Variants in PPAN observed in about 807,000 individuals in gnomAD.
PPAN encodes the protein peter pan homolog, also known as suppressor of SWI4 1 homolog.
A neutral mutation model predicts 48.5 loss-of-function variants in PPAN; 39 were observed. The ratio of observed to expected loss-of-function variants is 0.80; its 90% CI spans 0.62 to 1.05. The LOEUF (loss-of-function observed/expected upper bound fraction) is 1.05. Among genes scored for constraint, PPAN ranks in the 50% least tolerant of loss-of-function variants. The probability of loss-of-function intolerance (pLI) is 0.00; values close to 1 mark genes in which losing one functional copy is unlikely to be tolerated. For synonymous variants in PPAN, 315 were observed against 268.6 expected (o/e 1.17, Z -1.69); for missense variants, 736 against 661.7 (o/e 1.11, Z -1.23).
chr19:10,111,601 C>T lies in PPAN; in HGVS notation c.*436C>T. 2.3e-6 allele frequency: 3 copies of T among 1,280,856 alleles called. No individual in the cohort carries two copies. Among genetic ancestry groups the T allele is most frequent in the Non-Finnish European group, 3.4e-6 (3 of 887,624 alleles). The allele number at this position is 1,280,856 out of a possible 1,614,324, so 79.3% of individuals were successfully genotyped here. ...GTGGGTGGAAAGGCACGCTGGCCTG[C>T]TCTGCTGGCTGGGCCAGTAACTGGG... is the stretch of plus-strand genomic sequence containing the variant. On this transcript the variant is annotated 3_prime_UTR_variant, in exon 12 of 12. Coordinates refer to ENST00000253107, the MANE Select transcript of PPAN (RefSeq NM_020230.7).
chr19:10,109,151 A>G (rs961625160), intron 5 of PPAN, among the ~76,000 whole-genome samples: 1 of 151,834 alleles, frequency 6.6e-6, no homozygotes, highest in African/African-American at 2.4e-5. Flanking sequence ...TTTAGTAGAG[A>G]CAGGATTTCA....
intron 1 of PPAN, 44 bp from the exon 2 acceptor site, chr19:10,106,457 C>T (rs1054861239): frequency 4.7e-5 from 72 of 1,547,240 alleles, no homozygotes; most frequent in Non-Finnish European, 6.0e-5. Context: ...GGTGGGGTCC[C>T]GGCCGAGGTC....
At position 10,106,722 on chromosome 19, in the gene PPAN, G is replaced by C. The variant is rs2088840839; in HGVS notation, c.189+51G>C. 2.7e-6 allele frequency: 4 copies of C among 1,486,514 alleles called. No homozygotes were observed. The African/African-American group carries it at 4.2e-5, about 15-fold the overall frequency. The allele number at this position is 1,486,514 out of a possible 1,614,324, so 92.1% of individuals were successfully genotyped here. ...TCCACCCACCCTCGGCCTAGTCTTC[G>C]TAGCTGCAGTAATGGCTCCCGCTGT... On this transcript the variant is annotated intron_variant, in intron 2 of 11. Transcript: ENST00000253107.
Position 10,106,599 on chromosome 19 carries a change from G to C in PPAN, c.117G>C (p.Thr39=). 6.4e-7 allele frequency: 1 copy of C among 1,550,482 alleles called. No individual in the cohort carries two copies. The highest frequency in any genetic ancestry group is 2.4e-5 in the East Asian group (1 of 41,554). ...PHSFVFTRGC[T]GRNIRQLSLD... ...CGTTCGTGTTCACGCGAGGCTGCACGGGTCGCAACATCCGGCAGCTCAGCC... is the reference window on the plus strand; with the variant it reads ...CGTTCGTGTTCACGCGAGGCTGCACCGGTCGCAACATCCGGCAGCTCAGCC... Residue 39 remains threonine (T), a synonymous_variant, in exon 2 of 12, where the codon ACG becomes ACC. Transcript: ENST00000253107.
rs1458591838 is a variant in PPAN, at chr19:10,111,736, C to G, written c.*571C>G. 6.2e-7 allele frequency: 1 copy of G among 1,613,498 alleles called. No individual in the cohort carries two copies. The highest frequency in any genetic ancestry group is 1.7e-5 in the Admixed American group (1 of 59,988). ...GGCACGGGAGCATGGCAGCCAACGT[C>G]TCGGGTAAGGAGAAGGCATGTTGGC... is the stretch of plus-strand genomic sequence containing the variant. On this transcript the variant is annotated 3_prime_UTR_variant, in exon 12 of 12. Coordinates refer to ENST00000253107, the MANE Select transcript of PPAN (RefSeq NM_020230.7).
rs571735453 is a variant in PPAN at position 10,108,279 on chromosome 19, T to C, written c.513+145T>C. The C allele has an allele frequency of 3.2e-6, 4 of 1,268,724 alleles. No homozygotes were observed. The South Asian group carries it at 6.4e-5, about 20-fold the overall frequency. The allele number at this position is 1,268,724 out of a possible 1,614,324, so 78.6% of individuals were successfully genotyped here. ...GAGTCCTGAGGTCAAATCCCACTCC[T>C]GTGTCTGATGATGCTGGGCAAAAGT... is the stretch of plus-strand genomic sequence containing the variant. On this transcript the variant is annotated intron_variant, in intron 5 of 11. Coordinates refer to ENST00000253107, the MANE Select transcript of PPAN (RefSeq NM_020230.7).
At chr19:10,109,594 G>C (rs777567585) in intron 5 of PPAN, 37 bp from the exon 6 acceptor site, 7 of 1,582,130 alleles carry the variant, frequency 4.4e-6, no homozygotes, top group Non-Finnish European at 6.0e-6. Flanking sequence ...ACTTTGCCAT[G>C]AGTCTACTGG....
In PPAN at chr19:10,106,649, C is replaced by G. The variant is rs868526544; in HGVS notation, c.167C>G (p.Pro56Arg). The G allele has an allele frequency of 6.5e-7, 1 of 1,541,004 alleles. No homozygotes were observed. Among genetic ancestry groups the G allele is most frequent in the Non-Finnish European group, 8.8e-7 (1 of 1,142,216 alleles). The stretch of plus-strand genomic sequence containing the variant: ...CTGGACGTGCGGCGGGTCATGGAGC[C>G]GCTCACTGCCAGCCGTCTGCAGGTT... ...LSLDVRRVME[P>R]LTASRLQVRK... Residue 56 changes from proline to arginine, a missense_variant, in exon 2 of 12, where the codon CCG (proline) becomes CGG (arginine). Pro to Arg is a moderately radical substitution (Grantham distance 103). Transcript: ENST00000253107.
rs2088899545 is a variant in PPAN at position 10,108,107 on chromosome 19, C to T, written c.486C>T (p.Asn162=). Residue 162 remains asparagine, a synonymous_variant, in exon 5 of 12, where the codon AAC becomes AAT. Transcript: ENST00000253107. ...AGCTCATGGCCACCATGTTCCAGAACCTGTTCCCCTCCATCAACGTGCACA... is the reference window on the plus strand; with the variant it reads ...AGCTCATGGCCACCATGTTCCAGAATCTGTTCCCCTCCATCAACGTGCACA... ...HVKLMATMFQ[N]LFPSINVHKV... 1 of 1,612,964 alleles carries T rather than the reference C, an allele frequency of 6.2e-7. No homozygotes were observed. Among genetic ancestry groups the T allele is most frequent in the East Asian group, 2.2e-5 (1 of 44,888 alleles).
intron 2 of PPAN, chr19:10,107,139 A>G (rs1376957027): frequency 5.0e-6 from 2 of 401,828 alleles, no homozygotes; most frequent in Non-Finnish European, 9.6e-6. Context: ...GTGAATCGGG[A>G]TCGTGCCACT....
intron 6 of PPAN, 22 bp from the exon 7 acceptor site, chr19:10,109,891 C>A (rs756017799): frequency 6.2e-7 from 1 of 1,612,546 alleles, no homozygotes; most frequent in Non-Finnish European, 8.5e-7. Flanking sequence ...CACCCCCTTG[C>A]CGTCCACTCA....
chr19:10,108,881 C>T (rs1483936902), intron 5 of PPAN, among the ~76,000 whole-genome samples: 4 of 151,808 alleles, frequency 2.6e-5, no homozygotes, highest in African/African-American at 9.7e-5. Flanking sequence ...TAGTGACTCT[C>T]AGATGGGACT....
At position 10,109,989 on chromosome 19, in the gene PPAN, C is replaced by G; in HGVS notation, c.667C>G (p.Arg223Gly). ...LLQEKFPNMS[R>G]LQDISELLAT... ...CCAGGAGAAGTTCCCCAACATGAGC[C>G]GCCTGCAGGACATCAGCGAGCTGCT... The change falls in exon 7 of 12, where the codon CGC (arginine) becomes GGC (glycine). Residue 223 changes from arginine (R) to glycine (G), a missense_variant. Physicochemically the swap from Arg to Gly is moderately radical, Grantham distance 125. Transcript: ENST00000253107. 1 of 1,614,000 alleles carries G rather than the reference C, an allele frequency of 6.2e-7. No homozygotes were observed. Among genetic ancestry groups the G allele is most frequent in the Non-Finnish European group, 8.5e-7 (1 of 1,179,954 alleles).
At position 10,111,726 on chromosome 19, in the gene PPAN, C is replaced by T; in HGVS notation, c.*561C>T. ...GCTGAGGATCGGCACGGGAGCATGG[C>T]AGCCAACGTCTCGGGTAAGGAGAAG... On this transcript the variant is annotated 3_prime_UTR_variant, in exon 12 of 12. Coordinates refer to ENST00000253107, the MANE Select transcript of PPAN (RefSeq NM_020230.7). 1.2e-6 allele frequency: 2 copies of T among 1,613,606 alleles called. No homozygotes were observed. The highest frequency in any genetic ancestry group is 1.7e-6 in the Non-Finnish European group (2 of 1,179,830).
intron 2 of PPAN, chr19:10,106,992 G>T (rs1019299377): frequency 3.3e-5 from 21 of 629,584 alleles, no homozygotes; most frequent in Non-Finnish European, 5.6e-5. Context: ...TTCGAGACCA[G>T]CCTGAGCAGC....
intron 6 of PPAN, 44 bp downstream of exon 6, chr19:10,109,751 G>A: frequency 6.2e-7 from 1 of 1,603,668 alleles, no homozygotes; most frequent in Admixed American, 1.7e-5. Context: ...TGCCGGGTGG[G>A]GGCCTCCACA....
chr19:10,111,082 C>T lies in PPAN; in HGVS notation c.1339C>T (p.Gln447Ter). 6.2e-7 allele frequency: 1 copy of T among 1,612,960 alleles called. No homozygotes were observed. The highest frequency in any genetic ancestry group is 8.5e-7 in the Non-Finnish European group (1 of 1,179,734). The change falls in exon 12 of 12, where the codon CAG becomes TAG. Residue 447 changes from glutamine to a stop codon, truncating the protein, a stop_gained. Coordinates refer to ENST00000253107, the MANE Select transcript of PPAN (RefSeq NM_020230.7). LOFTEE classifies it low-confidence loss of function (END_TRUNC). Reference sequence around the variant, plus strand: ...GACCAAGGACAAGTCCCAGGGAGCCCAGGCCAGGCGGGGGCCCAGAGGGGC... The same window carrying T: ...GACCAAGGACAAGTCCCAGGGAGCCTAGGCCAGGCGGGGGCCCAGAGGGGC... ...PKTKDKSQGAQARRGPRGASR... is the reference protein window; with the variant it reads ...PKTKDKSQGA
intron 5 of PPAN, among the ~76,000 whole-genome samples, chr19:10,109,211 G>C (rs2088951748): frequency 6.6e-6 from 1 of 151,816 alleles, no homozygotes; most frequent in Non-Finnish European, 1.5e-5. Context: ...TGCCCGCCTC[G>C]GCCTCCCAAA....
At chr19:10,106,793 C>G (rs938045227) in intron 2 of PPAN, 122 bp downstream of exon 2, 10 of 1,392,292 alleles carry the variant, frequency 7.2e-6, no homozygotes, top group Middle Eastern at 2.6e-4. Flanking sequence ...AAAAAAGACC[C>G]TCATGGGGAG....
Sources: gnomAD v4.1 joint callset for allele counts (sites outside exome capture counted in the v4.1 genomes callset) on GRCh38, gnomAD v4.1.1 for gene constraint, MANE v1.5 for transcripts, NCBI Gene and HGNC (gene_info 2026-07-23, HGNC 2026-07-21) for gene names.